HLA-DQB2: variants seen among roughly 807,000 people sequenced by gnomAD.
HLA-DQB2 encodes the protein major histocompatibility complex, class II, DQ beta 2.
HLA-DQB2 carries 24 observed loss-of-function variants against 29.2 expected under a neutral mutation model. The observed-to-expected ratio is 0.82, with a 90% CI of 0.60 to 1.16. The LOEUF is 1.16. Among genes scored for constraint, HLA-DQB2 ranks in the 50% most tolerant of loss-of-function variants. The pLI is 0.00. For synonymous variants in HLA-DQB2, 104 were observed against 133.1 expected (o/e 0.78, Z 1.51); for missense variants, 273 against 343.6 (o/e 0.79, Z 1.62).
At position 32,761,692 on chromosome 6, in the gene HLA-DQB2, T is replaced by G; in HGVS notation, c.332A>C (p.Glu111Ala). Residue 111 changes from glutamate to alanine, a missense_variant, in exon 2 of 6, where the codon GAG becomes GCG. Coordinates refer to ENST00000437316, the MANE Select transcript of HLA-DQB2 (RefSeq NM_001300790.2). ...AVDKVCRHNY[E>A]AELRTTLQRQ... ...CTGCAAGGTCGTGCGCAGCTCCGCC[T>G]CGTAGTTGTGTCTGCACACCTTGTC... 1 of 1,551,706 alleles carries G rather than the reference T, an allele frequency of 6.4e-7. No individual in the cohort carries two copies. Among genetic ancestry groups the G allele is most frequent in the South Asian group, 1.2e-5 (1 of 84,156 alleles).
chr6:32,758,746 T>C, intron 3 of HLA-DQB2, 104 bp downstream of exon 3: 1 of 1,355,158 alleles, frequency 7.4e-7, no homozygotes, highest in East Asian at 2.4e-5. Context: ...GATTCCCAGC[T>C]CAGTAGTGAT....
chr6:32,762,117 G>T (rs560239260), intron 1 of HLA-DQB2, among the ~76,000 whole-genome samples, 191 bp from the exon 2 acceptor site: 1 of 152,310 alleles, frequency 6.6e-6, no homozygotes, highest in South Asian at 2.1e-4. Context: ...CTCTGCCCCA[G>T]CCCTGCCCGC....
In HLA-DQB2 at chr6:32,756,614, G is replaced by A. The variant is rs1039803957; in HGVS notation, c.782-148C>T. On this transcript the variant is annotated intron_variant, in intron 5 of 5. Coordinates refer to ENST00000437316, the MANE Select transcript of HLA-DQB2 (RefSeq NM_001300790.2). ...TCACGTTCCCCAATATCTGTGTAAA[G>A]GTAAAATCAGCTCATGAGGACACAG... 171 of 1,442,402 alleles carry A rather than the reference G, an allele frequency of 1.2e-4. No homozygotes were observed. In the African/African-American group the frequency reaches 2.3e-3, roughly 19 times the overall value. The allele number at this position is 1,442,402 out of a possible 1,614,324, so 89.4% of individuals were successfully genotyped here. A position where few individuals can be genotyped will look rare whatever the true frequency, so the allele number is the denominator to read the frequency against.
chr6:32,763,096 G>T (rs1406776762), intron 1 of HLA-DQB2, among the ~76,000 whole-genome samples: 1 of 151,300 alleles, frequency 6.6e-6, no homozygotes. Context: ...GAGTGCCATG[G>T]TCATTTTGTC....
At chr6:32,758,809 C>T in intron 3 of HLA-DQB2, 41 bp downstream of exon 3, 2 of 1,590,184 alleles carry the variant, frequency 1.3e-6, no homozygotes, top group Non-Finnish European at 1.7e-6. Flanking sequence ...TGCCCTTTGT[C>T]TTGTGGGGCC....
At chr6:32,758,820 C>T in intron 3 of HLA-DQB2, 30 bp downstream of exon 3, 1 of 1,597,928 alleles carries the variant, frequency 6.3e-7, no homozygotes, top group South Asian at 1.1e-5. Flanking sequence ...TTGTGGGGCC[C>T]ACAGTAAAAG....
At chr6:32,757,601 G>A (rs1764371781) in intron 4 of HLA-DQB2, among the ~76,000 whole-genome samples, 172 bp downstream of exon 4, 1 of 145,882 alleles carries the variant, frequency 6.9e-6, no homozygotes, top group Non-Finnish European at 1.5e-5. Flanking sequence ...CTCTGGCAGC[G>A]CTACCATTCA....
chr6:32,760,287 C>A (rs1456019993), intron 2 of HLA-DQB2, among the ~76,000 whole-genome samples: 1 of 151,894 alleles, frequency 6.6e-6, no homozygotes, highest in Non-Finnish European at 1.5e-5. Flanking sequence ...CAGGAATAGA[C>A]CCATTGCTGC....
chr6:32,763,341 G>T, intron 1 of HLA-DQB2, 33 bp downstream of exon 1: 1 of 1,295,098 alleles, frequency 7.7e-7, no homozygotes, highest in Non-Finnish European at 1.1e-6. Flanking sequence ...TTCCCACAGT[G>T]GTGGCTCTCG....
At chr6:32,761,169 C>T (rs34581921) in intron 2 of HLA-DQB2, among the ~76,000 whole-genome samples, 16,371 of 131,864 alleles carry the variant, frequency 0.12, no homozygotes, top group South Asian at 0.14. Context: ...TTGCTGGATG[C>T]CCTGCGCGCA....
At chr6:32,760,545 T>A (rs1764692915) in intron 2 of HLA-DQB2, among the ~76,000 whole-genome samples, 1 of 152,166 alleles carries the variant, frequency 6.6e-6, no homozygotes, top group African/African-American at 2.4e-5. Flanking sequence ...CTAAGGCAAT[T>A]GTCTAGAAAT....
rs1332583760 is a variant in HLA-DQB2 at position 32,756,466 on chromosome 6, C to T, written c.782G>A (p.Gly261Glu). 1 of 1,570,440 alleles carries T rather than the reference C, an allele frequency of 6.4e-7. No homozygotes were observed. Among genetic ancestry groups the T allele is most frequent in the Non-Finnish European group, 8.7e-7 (1 of 1,150,570 alleles). The change falls in exon 6 of 6, where the codon GGA (glycine) becomes GAA (glutamate). Residue 261 changes from glycine (G) to glutamate (E), a missense_variant and splice_region_variant. Coordinates refer to ENST00000437316, the MANE Select transcript of HLA-DQB2 (RefSeq NM_001300790.2). ...AGTCCTCAGGAGTCAGTGCAGGAGT[C>T]CTGGAGAAGAGAGACGAGGCATGAT... ...QKGPRGPPPAGLLH is the reference protein window; with the variant it reads ...QKGPRGPPPAELLH
At chr6:32,759,489 G>A (rs972615936) in intron 2 of HLA-DQB2, among the ~76,000 whole-genome samples, 2 of 151,776 alleles carry the variant, frequency 1.3e-5, no homozygotes, top group African/African-American at 2.4e-5. Flanking sequence ...TTCTCAGAGC[G>A]CTGCTCATGG....
chr6:32,761,876 C>A lies in HLA-DQB2; in HGVS notation c.148G>T (p.Glu50Ter). Residue 50 changes from glutamate to a stop codon, truncating the protein, a stop_gained, in exon 2 of 6, where the codon GAG becomes TAG. Coordinates refer to ENST00000437316, the MANE Select transcript of HLA-DQB2 (RefSeq NM_001300790.2). LOFTEE classifies it high-confidence loss of function. ...KGMCYFTNGT[E>*]RVRGVARYIY... ...TATCTGGCCACACCGCGCACGCGCT[C>A]TGTCCCGTTGGTGAAGTAGCACATG... The A allele has an allele frequency of 6.2e-7, 1 of 1,612,498 alleles. No homozygotes were observed. Among genetic ancestry groups the A allele is most frequent in the Non-Finnish European group, 8.5e-7 (1 of 1,179,404 alleles).
chr6:32,761,893 T>G lies in HLA-DQB2; in HGVS notation c.131A>C (p.Tyr44Ser). ...CACGCGCTCTGTCCCGTTGGTGAAG[T>G]AGCACATGCCCTTAAACTGGACCAA... Reference protein sequence around the residue: ...DFLVQFKGMCYFTNGTERVRG... With the variant: ...DFLVQFKGMCSFTNGTERVRG... The change falls in exon 2 of 6, where the codon TAC (tyrosine) becomes TCC (serine). Residue 44 changes from tyrosine to serine, a missense_variant. Transcript: ENST00000437316. 1 of 1,612,546 alleles carries G rather than the reference T, an allele frequency of 6.2e-7. No individual in the cohort carries two copies. The highest frequency in any genetic ancestry group is 8.5e-7 in the Non-Finnish European group (1 of 1,179,458).
At chr6:32,761,299 C>T (rs149312106) in intron 2 of HLA-DQB2, among the ~76,000 whole-genome samples, 108 of 141,850 alleles carry the variant, frequency 7.6e-4, no homozygotes, top group Middle Eastern at 3.5e-3. Context: ...GGGAAGAGGG[C>T]GGGCATTCGG....
intron 4 of HLA-DQB2, among the ~76,000 whole-genome samples, chr6:32,757,545 CGAT>C (rs1296234113): frequency 6.2e-4 from 84 of 136,088 alleles, no homozygotes; most frequent in Admixed American, 2.1e-3. Context: ...GCCAGTGAGA[CGAT>C]GATGAACGGT....
chr6:32,763,173 T>C (rs1765001549), intron 1 of HLA-DQB2, among the ~76,000 whole-genome samples: 1 of 152,142 alleles, frequency 6.6e-6, no homozygotes, highest in South Asian at 2.1e-4. Context: ...CTTAAACCTG[T>C]GGGATTGGGG....
Position 32,761,886 on chromosome 6 carries a change from G to A in HLA-DQB2, c.138C>T (p.Thr46=). The A allele has an allele frequency of 6.2e-7, 1 of 1,612,530 alleles. No individual in the cohort carries two copies. The highest frequency in any genetic ancestry group is 8.5e-7 in the Non-Finnish European group (1 of 1,179,458). The change falls in exon 2 of 6, where the codon ACC becomes ACT. Residue 46 remains threonine, a synonymous_variant. Coordinates refer to ENST00000437316, the MANE Select transcript of HLA-DQB2 (RefSeq NM_001300790.2). ...LVQFKGMCYF[T]NGTERVRGVA... ...CACCGCGCACGCGCTCTGTCCCGTT[G>A]GTGAAGTAGCACATGCCCTTAAACT...
Sources: gnomAD v4.1 joint callset for allele counts (sites outside exome capture counted in the v4.1 genomes callset) on GRCh38, gnomAD v4.1.1 for gene constraint, MANE v1.5 for transcripts, NCBI Gene and HGNC (gene_info 2026-07-23, HGNC 2026-07-21) for gene names.